POC1B: variants seen among roughly 807,000 people sequenced by gnomAD.
POC1B encodes POC1 centriolar protein homolog B.
A neutral mutation model predicts 60.6 loss-of-function variants in POC1B; 44 were observed. The ratio of observed to expected loss-of-function variants is 0.73; its 90% CI spans 0.57 to 0.93. The LOEUF (loss-of-function observed/expected upper bound fraction) is 0.93. Among genes scored for constraint, POC1B ranks in the 40% least tolerant of loss-of-function variants. The pLI is 0.00. For synonymous variants in POC1B, 180 were observed against 198.9 expected (o/e 0.90, Z 0.80); for missense variants, 555 against 572.3 (o/e 0.97, Z 0.31).
intron 4 of POC1B, among the ~76,000 whole-genome samples, chr12:89,486,934 G>C (rs868139903): frequency 2.0e-5 from 3 of 150,062 alleles, no homozygotes; most frequent in Non-Finnish European, 4.5e-5. Context: ...CACACACACA[G>C]ACACACATAC....
At position 89,483,504 on chromosome 12, in the gene POC1B, G is replaced by A. The variant is rs115012558; in HGVS notation, c.452+8432C>T. ...TGTGTCCTCACATGGTGAGAGGCAA[G>A]GGTCTCTCTGGGGCTTCTTTTATAA... On this transcript the variant is annotated intron_variant, in intron 4 of 11. Transcript: ENST00000313546. 7.3e-3 allele frequency among the ~76,000 whole-genome samples: 1,112 copies of A among 152,252 alleles called. 13 individuals are homozygous for A. Among genetic ancestry groups the A allele is most frequent in the African/African-American group, 0.025 (1,029 of 41,542 alleles).
chr12:89,421,086 T>G lies in POC1B; in HGVS notation c.*67A>C. 2 of 1,231,084 alleles carry G rather than the reference T, an allele frequency of 1.6e-6. No homozygotes were observed. Among genetic ancestry groups the G allele is most frequent in the Non-Finnish European group, 2.3e-6 (2 of 869,106 alleles). 76.3% of individuals were successfully genotyped at this position (1,231,084 alleles called of 1,614,324 possible). A position where few individuals can be genotyped will look rare whatever the true frequency, so the allele number is the denominator to read the frequency against. On this transcript the variant is annotated 3_prime_UTR_variant, in exon 12 of 12. Transcript: ENST00000313546. ...TTGTATGGAGTATCTTGTACTACCT[T>G]CCTGAGTGTATGTACATTTGTTCAT...
At chr12:89,476,543 G>A (rs1592612917) in intron 4 of POC1B, among the ~76,000 whole-genome samples, 3 of 152,076 alleles carry the variant, frequency 2.0e-5, no homozygotes, top group South Asian at 4.2e-4. Context: ...CCCCATCTCT[G>A]CTAAAAATGC....
chr12:89,482,215 TAC>T (rs769757476), intron 4 of POC1B, among the ~76,000 whole-genome samples: 1 of 152,150 alleles, frequency 6.6e-6, no homozygotes, highest in Non-Finnish European at 1.5e-5. Flanking sequence ...GAGAAATGGA[TAC>T]AGTTAATTGG....
At chr12:89,422,278 G>A (rs1273560133) in intron 11 of POC1B, among the ~76,000 whole-genome samples, 1 of 151,964 alleles carries the variant, frequency 6.6e-6, no homozygotes, top group Non-Finnish European at 1.5e-5. Context: ...GCTTTCTTGT[G>A]TTTCTTTATG....
intron 9 of POC1B, chr12:89,459,986 G>C (rs1882423305): frequency 2.4e-6 from 1 of 416,768 alleles, no homozygotes; most frequent in Admixed American, 3.3e-5. Context: ...ACCTAAAAAG[G>C]AATATTAAAA....
chr12:89,435,883 G>A (rs921213514), intron 10 of POC1B, among the ~76,000 whole-genome samples: 3 of 151,618 alleles, frequency 2.0e-5, no homozygotes, highest in Non-Finnish European at 4.4e-5. Flanking sequence ...TCTCAAACAC[G>A]CATATGCATG....
chr12:89,461,748 A>G (rs2120812395), intron 9 of POC1B: 1 of 152,312 alleles, frequency 6.6e-6, no homozygotes, highest in South Asian at 2.1e-4. Context: ...TGTGCATGGT[A>G]AGGATGAGGG....
chr12:89,417,454 C>T (rs1327562569), downstream of POC1B, among the ~76,000 whole-genome samples: 2 of 152,204 alleles, frequency 1.3e-5, no homozygotes, highest in African/African-American at 4.8e-5. Flanking sequence ...GGAGCCCAAA[C>T]GGCTTGCAGT....
chr12:89,414,145 G>A, the POC1B span, among the ~76,000 whole-genome samples: 3 of 151,960 alleles, frequency 2.0e-5, no homozygotes, highest in Admixed American at 2.0e-4. Flanking sequence ...CGCCCACCTC[G>A]GCCTCCCAAA....
intron 4 of POC1B, among the ~76,000 whole-genome samples, chr12:89,482,293 AG>A (rs1160754849): frequency 6.6e-6 from 1 of 152,212 alleles, no homozygotes; most frequent in Non-Finnish European, 1.5e-5. Flanking sequence ...AACTAAGCAC[AG>A]GGAGAAAAAA....
At chr12:89,473,300 G>A (rs1882974246) in intron 4 of POC1B, among the ~76,000 whole-genome samples, 1 of 152,166 alleles carries the variant, frequency 6.6e-6, no homozygotes. Flanking sequence ...AATTCTTTGT[G>A]ACAGAAACTT....
chr12:89,474,913 C>T (rs190537349), intron 4 of POC1B, among the ~76,000 whole-genome samples: 220 of 152,286 alleles, frequency 1.4e-3, no homozygotes, highest in Non-Finnish European at 2.4e-3. Flanking sequence ...GACATGGTCC[C>T]TGTCCTTGTG....
At position 89,459,646 on chromosome 12, in the gene POC1B, A is replaced by G; in HGVS notation, c.1105T>C (p.Ser369Pro). 1 of 1,476,800 alleles carries G rather than the reference A, an allele frequency of 6.8e-7. No individual in the cohort carries two copies. The highest frequency in any genetic ancestry group is 9.1e-7 in the Non-Finnish European group (1 of 1,099,416). 91.5% of individuals were successfully genotyped at this position (1,476,800 alleles called of 1,614,324 possible). ...PPVMDILSFD[S>P]TTTTETSGRT... ...AAAAAAACCCGACTTACTGTGGTAG[A>G]ATCAAAAGAAAGGATATCCATAACA... The change falls in exon 10 of 12, where the codon TCT becomes CCT. Residue 369 changes from serine to proline, a missense_variant. Transcript: ENST00000313546.
rs1206589521 is a variant in POC1B, at chr12:89,482,925, C to CT, written c.452+9010dup. ...TGGGGGTGGTTACCCTAACGCTATT[C>CT]TTTTTTTTTTTTTTTTGAGATGGAG... On this transcript the variant is annotated intron_variant, in intron 4 of 11. Coordinates refer to ENST00000313546, the MANE Select transcript of POC1B (RefSeq NM_172240.3). 6.4e-3 allele frequency among the ~76,000 whole-genome samples: 893 copies of CT among 138,564 alleles called. 8 individuals carry two copies. The highest frequency in any genetic ancestry group is 0.018 in the African/African-American group (692 of 38,102). 90.9% of individuals were successfully genotyped at this position (138,564 alleles called of 152,430 possible). A position where few individuals can be genotyped will look rare whatever the true frequency, so the allele number is the denominator to read the frequency against.
rs1880475050 is a variant in POC1B at position 89,420,272 on chromosome 12, GTACT to G, written c.*877_*880del. On this transcript the variant is annotated 3_prime_UTR_variant, in exon 12 of 12. Coordinates refer to ENST00000313546, the MANE Select transcript of POC1B (RefSeq NM_172240.3). ...GATGATGATGCAAAAATTTTAAAAA[GTACT>G]TACTATTTAGCTGCCCAAATCACCC... 6.6e-6 allele frequency: 1 copy of G among 152,052 alleles called. No individual in the cohort carries two copies. Among genetic ancestry groups the G allele is most frequent in the African/African-American group, 2.4e-5 (1 of 41,362 alleles). 9.4% of individuals were successfully genotyped at this position (152,052 alleles called of 1,614,324 possible). A position where few individuals can be genotyped will look rare whatever the true frequency, so the allele number is the denominator to read the frequency against.
chr12:89,453,147 T>C (rs1882122833), intron 10 of POC1B, among the ~76,000 whole-genome samples: 1 of 152,238 alleles, frequency 6.6e-6, no homozygotes, highest in Non-Finnish European at 1.5e-5. Context: ...TTTTTAAATG[T>C]CTTTGACAAT....
intron 10 of POC1B, among the ~76,000 whole-genome samples, chr12:89,433,854 T>A (rs1881142205): frequency 6.6e-6 from 1 of 152,204 alleles, no homozygotes; most frequent in South Asian, 2.1e-4. Context: ...CAAAAGCCAA[T>A]GTTGACTAAG....
chr12:89,523,403 C>A, intron 2 of POC1B: 5 of 1,614,046 alleles, frequency 3.1e-6, no homozygotes, highest in Non-Finnish European at 4.2e-6. Context: ...CAAACTTCTG[C>A]TGCCCGAGCA....
Sources: allele counts gnomAD v4.1 joint callset (sites outside exome capture counted in the v4.1 genomes callset), GRCh38; gene constraint gnomAD v4.1.1; transcripts MANE v1.5; gene names NCBI Gene and HGNC (gene_info 2026-07-23, HGNC 2026-07-21).